Variants in NEK10 observed in about 807,000 individuals in gnomAD.
NEK10 encodes serine/threonine-protein kinase Nek10.
NEK10 carries 122 observed loss-of-function variants against 159.8 expected under a neutral mutation model. That is an observed-to-expected ratio of 0.76 (90% CI 0.66 to 0.89). The LOEUF is 0.89. Among genes scored for constraint, NEK10 ranks in the 40% least tolerant of loss-of-function variants. The pLI, the probability that NEK10 is intolerant of heterozygous loss-of-function variation, is 0.00. For missense variants in NEK10, 1,342 were observed against 1,323.1 expected (o/e 1.01, Z -0.22); for synonymous variants, 466 against 457.1 (o/e 1.02, Z -0.25).
chr3:27,176,028 A>G (rs983443408), intron 26 of NEK10, among the ~76,000 whole-genome samples: 2 of 152,196 alleles, frequency 1.3e-5, no homozygotes, highest in African/African-American at 4.8e-5. Flanking sequence ...TAAAAACTCC[A>G]TAATAATAGA....
chr3:27,281,671 T>C (rs1396419042), intron 22 of NEK10, among the ~76,000 whole-genome samples: 1 of 152,138 alleles, frequency 6.6e-6, no homozygotes, highest in Non-Finnish European at 1.5e-5. Flanking sequence ...CCAGAAGACT[T>C]ACTTCAGCAG....
intron 16 of NEK10, 70 bp downstream of exon 16, chr3:27,293,518 G>T: frequency 1.3e-6 from 1 of 747,604 alleles, no homozygotes; most frequent in Non-Finnish European, 2.2e-6. Flanking sequence ...TCTAAGCCAA[G>T]TATGTGAAAA....
At chr3:27,133,780 A>T (rs2125532205) in intron 31 of NEK10, among the ~76,000 whole-genome samples, 1 of 152,364 alleles carries the variant, frequency 6.6e-6, no homozygotes, top group East Asian at 1.9e-4. Flanking sequence ...ATCTCAAAAA[A>T]TAAAAAATGT....
chr3:27,345,517 C>A lies in NEK10; in HGVS notation c.263+569G>T, dbSNP rs66854845. On this transcript the variant is annotated intron_variant, in intron 4 of 35. Coordinates refer to ENST00000691995, the MANE Select transcript of NEK10 (RefSeq NM_001394966.1). ...CATGCCACTCACTATTTACATGGTA[C>A]TTAGTGCCAAATGACCCAAGCACAC... 3.9e-5 allele frequency among the ~76,000 whole-genome samples: 6 copies of A among 152,020 alleles called. No individual in the cohort carries two copies. In the South Asian group the frequency reaches 1.2e-3, roughly 32 times the overall value.
intron 5 of NEK10, 45 bp downstream of exon 5, chr3:27,344,227 T>C (rs2047394451): frequency 1.1e-6 from 1 of 870,098 alleles, no homozygotes; most frequent in Non-Finnish European, 1.9e-6. Flanking sequence ...ATAGATGACA[T>C]ATGCCACTCT....
chr3:27,307,458 G>T (rs1213890416), intron 11 of NEK10, among the ~76,000 whole-genome samples: 1 of 152,088 alleles, frequency 6.6e-6, no homozygotes, highest in African/African-American at 2.4e-5. Context: ...CAAGTCAGTT[G>T]CTATCTTATT....
intron 25 of NEK10, among the ~76,000 whole-genome samples, chr3:27,198,316 C>A (rs1575201281): frequency 1.5e-5 from 2 of 129,228 alleles, no homozygotes; most frequent in African/African-American, 3.0e-5. Context: ...ACTGAATAGC[C>A]AAGACAATCC....
intron 23 of NEK10, chr3:27,206,728 G>C (rs1950577038): frequency 3.9e-6 from 2 of 509,220 alleles, no homozygotes; most frequent in Non-Finnish European, 5.1e-6. Flanking sequence ...TAAAGCAGTG[G>C]ACTCTAAACA....
intron 26 of NEK10, among the ~76,000 whole-genome samples, chr3:27,176,953 T>C (rs1187335188): frequency 6.6e-6 from 1 of 152,184 alleles, no homozygotes; most frequent in African/African-American, 2.4e-5. Context: ...AGAACAGGCA[T>C]GGATAAAACA....
At chr3:27,265,206 A>G (rs140679684) in intron 22 of NEK10, among the ~76,000 whole-genome samples, 1 of 152,348 alleles carries the variant, frequency 6.6e-6, no homozygotes, top group Admixed American at 6.5e-5. Context: ...CAGCATTCCT[A>G]GTCAACATTC....
At chr3:27,322,334 A>G in intron 5 of NEK10, 73 bp from the exon 6 acceptor site, 1 of 891,250 alleles carries the variant, frequency 1.1e-6, no homozygotes, top group African/African-American at 1.7e-5. Flanking sequence ...ATGCAAGGCT[A>G]TGAAGGAGTA....
At chr3:27,223,682 AT>A (rs1296445411) in intron 23 of NEK10, among the ~76,000 whole-genome samples, 1 of 151,982 alleles carries the variant, frequency 6.6e-6, no homozygotes, top group African/African-American at 2.4e-5. Context: ...CCTCTTAAGC[AT>A]TGTGGCTCCT....
At chr3:27,347,711 C>A (rs2047669831) in intron 3 of NEK10, among the ~76,000 whole-genome samples, 1 of 152,090 alleles carries the variant, frequency 6.6e-6, no homozygotes, top group South Asian at 2.1e-4. Context: ...TCCTATAAAA[C>A]TACTTTTCTA....
chr3:27,248,735 A>G (rs1955351572), intron 23 of NEK10, among the ~76,000 whole-genome samples: 1 of 152,068 alleles, frequency 6.6e-6, no homozygotes, highest in East Asian at 1.9e-4. Flanking sequence ...TATTATTTCA[A>G]CTTTTTTTTA....
At chr3:27,178,817 A>C (rs932195354) in intron 26 of NEK10, among the ~76,000 whole-genome samples, 3 of 152,216 alleles carry the variant, frequency 2.0e-5, no homozygotes, top group South Asian at 4.1e-4. Context: ...AGGCCTCCCT[A>C]TGGAAGACTT....
intron 5 of NEK10, among the ~76,000 whole-genome samples, chr3:27,336,890 A>G (rs1212766225): frequency 6.6e-6 from 1 of 152,138 alleles, no homozygotes; most frequent in East Asian, 1.9e-4. Context: ...ACTTCAGCCA[A>G]TATCATACTG....
intron 23 of NEK10, among the ~76,000 whole-genome samples, chr3:27,208,800 G>A (rs1250682207): frequency 6.6e-6 from 1 of 152,226 alleles, no homozygotes; most frequent in Admixed American, 6.5e-5. Context: ...CATCATTCCA[G>A]ATGTGAAGAG....
chr3:27,211,295 CATT>C (rs372014657), intron 23 of NEK10, among the ~76,000 whole-genome samples: 35 of 152,106 alleles, frequency 2.3e-4, no homozygotes, highest in African/African-American at 8.4e-4. Context: ...TGCAAAGTGG[CATT>C]ATTATTACAT....
rs1270010710 is a variant in NEK10 at position 27,155,523 on chromosome 3, A to AAAATAAAATC, written c.2869+7177_2869+7178insGATTTTATTT. Among the ~76,000 whole-genome samples the AAAATAAAATC allele has an allele frequency of 7.4e-4, 108 of 145,826 alleles. 1 individual carries two copies. The highest frequency in any genetic ancestry group is 2.7e-3 in the African/African-American group (108 of 39,394). On this transcript the variant is annotated intron_variant, in intron 30 of 35. Transcript: ENST00000691995. ...CTCAAAAAAATAAATAAAATAAAAT[A>AAAATAAAATC]AAATAAAATAAAATAAAATAAAATA...
Sources: gnomAD v4.1 joint callset for allele counts (sites outside exome capture counted in the v4.1 genomes callset) on GRCh38, gnomAD v4.1.1 for gene constraint, MANE v1.5 for transcripts, NCBI Gene and HGNC (gene_info 2026-07-23, HGNC 2026-07-21) for gene names.